Variants in VTI1A observed in about 807,000 individuals in gnomAD.
VTI1A encodes the protein vesicle transport through interaction with t-SNAREs homolog 1A.
Under a neutral mutation model 34.9 loss-of-function variants are expected in VTI1A, and 22 were observed. That is an observed-to-expected ratio of 0.63 (90% CI 0.45 to 0.90). VTI1A has a LOEUF of 0.90. Ranked by LOEUF, VTI1A falls within the 40% of genes least tolerant of loss-of-function variation. VTI1A has a pLI of 0.00. For missense variants in VTI1A, 268 were observed against 275.6 expected (o/e 0.97, Z 0.20); for synonymous variants, 87 against 97.3 (o/e 0.89, Z 0.62).
intron 5 of VTI1A, among the ~76,000 whole-genome samples, chr10:112,658,110 C>G (rs778121564): frequency 3.3e-5 from 5 of 152,038 alleles, no homozygotes; most frequent in Non-Finnish European, 5.9e-5. Context: ...TTCCCAGAGA[C>G]AGGGTCTCAC....
At chr10:112,605,978 C>T (rs1845061306) in intron 5 of VTI1A, among the ~76,000 whole-genome samples, 1 of 151,990 alleles carries the variant, frequency 6.6e-6, no homozygotes, top group Non-Finnish European at 1.5e-5. Context: ...AAAACAAGAC[C>T]ACATGTAGTC....
intron 4 of VTI1A, among the ~76,000 whole-genome samples, chr10:112,531,484 A>G (rs1460535605): frequency 6.0e-4 from 4 of 6,654 alleles, no homozygotes; most frequent in Admixed American, 4.0e-3. Flanking sequence ...TAAGCAAAGA[A>G]AAAAAAAAAA....
chr10:112,656,879 G>A (rs1268819368), intron 5 of VTI1A, among the ~76,000 whole-genome samples: 1 of 152,108 alleles, frequency 6.6e-6, no homozygotes, highest in African/African-American at 2.4e-5. Context: ...GATGATGGAG[G>A]TGGTTTCTCA....
At chr10:112,564,277 CGTT>C (rs1851828830) in intron 5 of VTI1A, among the ~76,000 whole-genome samples, 1 of 151,554 alleles carries the variant, frequency 6.6e-6, no homozygotes, top group South Asian at 2.1e-4. Flanking sequence ...TTGTTCAGCG[CGTT>C]GTTGATTTCT....
At position 112,811,712 on chromosome 10, in the gene VTI1A, A is replaced by AAAAAAAAAAAAAAAAAAAAAAAAAGAT. The variant is rs67154330; in HGVS notation, c.561-3578_561-3577insAAAAAAAAAAAAAAAAAAAAAAAAGAT. On this transcript the variant is annotated intron_variant, in intron 7 of 7. Coordinates refer to ENST00000393077, the MANE Select transcript of VTI1A (RefSeq NM_145206.4). ...AAAAAAAAAAAAAAAAAAAAAAAAA[A>AAAAAAAAAAAAAAAAAAAAAAAAAGAT]GAGTGCAGTCCATGCCTGGAAGTAG... Among the ~76,000 whole-genome samples, 2 of 84,066 alleles carry AAAAAAAAAAAAAAAAAAAAAAAAAGAT rather than the reference A, an allele frequency of 2.4e-5. 1 individual carries two copies. Among genetic ancestry groups the AAAAAAAAAAAAAAAAAAAAAAAAAGAT allele is most frequent in the African/African-American group, 9.5e-5 (2 of 21,062 alleles). 55.2% of individuals were successfully genotyped at this position (84,066 alleles called of 152,430 possible).
intron 7 of VTI1A, among the ~76,000 whole-genome samples, chr10:112,735,683 AGAG>A (rs1202985993): frequency 3.9e-5 from 6 of 152,224 alleles, no homozygotes; most frequent in African/African-American, 1.4e-4. Flanking sequence ...GTTAAAAACT[AGAG>A]GAGGTTTAAT....
intron 3 of VTI1A, among the ~76,000 whole-genome samples, chr10:112,511,706 C>CCCT (rs1233559813): frequency 3.3e-5 from 5 of 152,076 alleles, no homozygotes; most frequent in South Asian, 2.1e-4. Context: ...TCTTCATCCT[C>CCCT]CCTCCTCCTC....
intron 7 of VTI1A, among the ~76,000 whole-genome samples, chr10:112,721,039 A>G (rs1465082184): frequency 6.6e-6 from 1 of 152,108 alleles, no homozygotes; most frequent in African/African-American, 2.4e-5. Flanking sequence ...ATTTTCTTCT[A>G]TCCTCATAGA....
At chr10:112,780,302 AAATAAATAAATAAAT>A (rs1277886780) in intron 7 of VTI1A, among the ~76,000 whole-genome samples, 16 of 147,512 alleles carry the variant, frequency 1.1e-4, no homozygotes, top group Non-Finnish European at 2.4e-4. Flanking sequence ...ATAAATAAAT[AAATAAATAAATAAAT>A]AAATAAAATA....
chr10:112,661,923 T>C (rs6585166), intron 5 of VTI1A, among the ~76,000 whole-genome samples: 42,473 of 151,750 alleles, frequency 0.28, 7,184 homozygotes, highest in East Asian at 0.69. Flanking sequence ...CAGCACCCAC[T>C]ACCACACCCA....
At chr10:112,617,637 GT>G (rs1260496606) in intron 5 of VTI1A, among the ~76,000 whole-genome samples, 2 of 152,030 alleles carry the variant, frequency 1.3e-5, no homozygotes, top group African/African-American at 4.8e-5. Context: ...TAAGGGCCTT[GT>G]ATTTTCAGGA....
At chr10:112,804,243 T>G (rs919665352) in intron 7 of VTI1A, among the ~76,000 whole-genome samples, 6 of 152,162 alleles carry the variant, frequency 3.9e-5, no homozygotes, top group African/African-American at 1.2e-4. Context: ...CAGGAGACTG[T>G]CAGCATGAGG....
intron 7 of VTI1A, among the ~76,000 whole-genome samples, chr10:112,783,886 C>A (rs1177870711): frequency 6.6e-6 from 1 of 152,156 alleles, no homozygotes; most frequent in East Asian, 1.9e-4. Context: ...AAATGCCGAA[C>A]AAGCACATTC....
At chr10:112,663,516 C>T (rs868694873) in intron 5 of VTI1A, among the ~76,000 whole-genome samples, 13 of 152,304 alleles carry the variant, frequency 8.5e-5, no homozygotes, top group Non-Finnish European at 1.5e-4. Context: ...AAGTTCCTCA[C>T]ATGTCTTAGG....
rs568773368 is a variant in VTI1A, at chr10:112,470,928, T to C, written c.264+6271T>C. Among the ~76,000 whole-genome samples the C allele has an allele frequency of 3.3e-5, 5 of 152,212 alleles. No individual in the cohort carries two copies. The South Asian group carries it at 1.0e-3, about 32-fold the overall frequency. ...ATAAAAAAGCATCAGACTTTCAGTC[T>C]CCCTTTCCTGTGAGTTCATCTTTCC... is the stretch of plus-strand genomic sequence containing the variant. On this transcript the variant is annotated intron_variant, in intron 3 of 7. Coordinates refer to ENST00000393077, the MANE Select transcript of VTI1A (RefSeq NM_145206.4).
At position 112,757,188 on chromosome 10, in the gene VTI1A, G is replaced by T. The variant is rs1851311444; in HGVS notation, c.561-58102G>T. 2.0e-5 allele frequency among the ~76,000 whole-genome samples: 3 copies of T among 151,998 alleles called. No individual in the cohort carries two copies. In the South Asian group the frequency reaches 6.2e-4, roughly 32 times the overall value. Reference sequence around the variant, plus strand: ...GCCCTGGGCCTCACCCTGTAGCAGAGAGACAGTCAGTCAAGCATAACTTCC... The same window carrying T: ...GCCCTGGGCCTCACCCTGTAGCAGATAGACAGTCAGTCAAGCATAACTTCC... On this transcript the variant is annotated intron_variant, in intron 7 of 7. Transcript: ENST00000393077.
intron 7 of VTI1A, among the ~76,000 whole-genome samples, chr10:112,718,390 T>G (rs1363175422): frequency 6.6e-6 from 1 of 152,240 alleles, no homozygotes; most frequent in East Asian, 1.9e-4. Flanking sequence ...CTTTACAAAC[T>G]GAAGCATTAG....
intron 3 of VTI1A, among the ~76,000 whole-genome samples, chr10:112,508,698 T>G (rs916946296): frequency 3.3e-5 from 5 of 152,354 alleles, no homozygotes; most frequent in African/African-American, 1.2e-4. Context: ...GAATTATTGT[T>G]TAATTCATAC....
chr10:112,513,649 G>A (rs1426750595), intron 3 of VTI1A, among the ~76,000 whole-genome samples: 2 of 151,796 alleles, frequency 1.3e-5, no homozygotes, highest in Non-Finnish European at 2.9e-5. Flanking sequence ...ATTTCACCAT[G>A]GAGAATTATT....
Sources: gnomAD v4.1 joint callset for allele counts (sites outside exome capture counted in the v4.1 genomes callset) on GRCh38, gnomAD v4.1.1 for gene constraint, MANE v1.5 for transcripts, NCBI Gene and HGNC (gene_info 2026-07-23, HGNC 2026-07-21) for gene names.